Variants in WDR72 observed in about 807,000 individuals in gnomAD.
WDR72 encodes WD repeat-containing protein 72.
A neutral mutation model predicts 124.2 loss-of-function variants in WDR72; 120 were observed. The ratio of observed to expected loss-of-function variants is 0.97; its 90% CI spans 0.83 to 1.12. The LOEUF (loss-of-function observed/expected upper bound fraction) is 1.12, where lower values mean the gene tolerates loss of function less well. WDR72 is among the 50% of genes most tolerant of loss of function. WDR72 has a pLI of 0.00. For synonymous variants in WDR72, 452 were observed against 441.7 expected, an observed-to-expected ratio of 1.02 and a Z score of -0.29; for missense variants, 1,387 against 1,278.8, an observed-to-expected ratio of 1.08 and a Z score of -1.29.
At chr15:53,676,394 T>C (rs187196584) in intron 13 of WDR72, among the ~76,000 whole-genome samples, 1 of 152,224 alleles carries the variant, frequency 6.6e-6, no homozygotes, top group South Asian at 2.1e-4. Flanking sequence ...CAGGCCTAAT[T>C]TGATGAGCGC....
intron 18 of WDR72, among the ~76,000 whole-genome samples, chr15:53,572,965 T>C (rs1204225786): frequency 6.6e-6 from 1 of 152,166 alleles, no homozygotes; most frequent in African/African-American, 2.4e-5. Context: ...AGGGAAGCAG[T>C]AGAATGTTGC....
At chr15:53,563,813 A>G (rs189006688) in intron 18 of WDR72, among the ~76,000 whole-genome samples, 3 of 151,930 alleles carry the variant, frequency 2.0e-5, no homozygotes, top group Admixed American at 2.0e-4. Context: ...CAATCTTTCC[A>G]ATCACTTAGG....
chr15:53,680,806 T>C (rs1161675040), intron 13 of WDR72, among the ~76,000 whole-genome samples: 1 of 152,186 alleles, frequency 6.6e-6, no homozygotes, highest in Non-Finnish European at 1.5e-5. Context: ...AGGTCCTTTG[T>C]CTACTCAGCA....
chr15:53,664,119 G>A (rs2015699440), intron 14 of WDR72, among the ~76,000 whole-genome samples: 1 of 152,018 alleles, frequency 6.6e-6, no homozygotes, highest in Non-Finnish European at 1.5e-5. Context: ...TTTGACCAAG[G>A]GAGATGGTAC....
intron 13 of WDR72, among the ~76,000 whole-genome samples, chr15:53,677,110 C>A (rs368390033): frequency 1.3e-5 from 2 of 151,934 alleles, no homozygotes; most frequent in African/African-American, 4.8e-5. Flanking sequence ...TTAGTAGAGA[C>A]GGGGTTTCAC....
intron 13 of WDR72, among the ~76,000 whole-genome samples, chr15:53,670,965 A>G (rs1263767680): frequency 6.6e-6 from 1 of 152,180 alleles, no homozygotes; most frequent in Non-Finnish European, 1.5e-5. Context: ...AACCTCCTCA[A>G]TCAGCCTTTC....
chr15:53,758,906 C>T (rs142188693), intron 1 of WDR72, among the ~76,000 whole-genome samples: 3,923 of 152,046 alleles, frequency 0.026, 69 homozygotes, highest in Non-Finnish European at 0.033. Flanking sequence ...TAAGTCAGCA[C>T]CAGTTTCCAA....
intron 17 of WDR72, among the ~76,000 whole-genome samples, chr15:53,598,899 G>C (rs917462771): frequency 1.3e-5 from 2 of 152,056 alleles, no homozygotes; most frequent in Non-Finnish European, 1.5e-5. Context: ...CTGGTGAATA[G>C]TGCCTATTAA....
At chr15:53,743,555 G>A (rs769216906) in intron 1 of WDR72, among the ~76,000 whole-genome samples, 2 of 152,072 alleles carry the variant, frequency 1.3e-5, no homozygotes, top group African/African-American at 4.8e-5. Context: ...TTAGCCATTC[G>A]AAATATAGGA....
At chr15:53,711,035 C>T (rs766823320) in intron 8 of WDR72, 82 bp from the exon 9 acceptor site, 35 of 1,173,626 alleles carry the variant, frequency 3.0e-5, no homozygotes, top group South Asian at 2.4e-4. Context: ...TTTCAAAAGC[C>T]GGATGGTACC....
chr15:53,547,168 A>C (rs1349080803), intron 18 of WDR72, among the ~76,000 whole-genome samples: 1 of 152,244 alleles, frequency 6.6e-6, no homozygotes, highest in African/African-American at 2.4e-5. Flanking sequence ...ACAACTATTT[A>C]ACATTGAGTT....
intron 14 of WDR72, 34 bp downstream of exon 14, chr15:53,665,538 G>T: frequency 6.2e-7 from 1 of 1,611,620 alleles, no homozygotes; most frequent in South Asian, 1.1e-5. Flanking sequence ...GGTTGATAAT[G>T]TTCTTTGTGA....
intron 17 of WDR72, among the ~76,000 whole-genome samples, chr15:53,607,768 G>T (rs996407561): frequency 1.3e-5 from 2 of 151,912 alleles, no homozygotes; most frequent in Non-Finnish European, 2.9e-5. Flanking sequence ...TCTGACAAGG[G>T]ATTAATACCC....
At chr15:53,543,073 T>C (rs1335743317) in intron 18 of WDR72, among the ~76,000 whole-genome samples, 309 of 145,636 alleles carry the variant, frequency 2.1e-3, no homozygotes, top group African/African-American at 7.6e-3. Flanking sequence ...CTGTCAACAT[T>C]AGACAGATCA....
intron 1 of WDR72, among the ~76,000 whole-genome samples, chr15:53,739,546 TC>T (rs1225539432): frequency 6.6e-6 from 1 of 152,200 alleles, no homozygotes; most frequent in African/African-American, 2.4e-5. Flanking sequence ...CAAGGAAAAT[TC>T]ACCTTTGGGG....
At chr15:53,552,721 G>C (rs1893786511) in intron 18 of WDR72, among the ~76,000 whole-genome samples, 1 of 152,122 alleles carries the variant, frequency 6.6e-6, no homozygotes, top group South Asian at 2.1e-4. Flanking sequence ...TAGAAGAATA[G>C]AAGACTGCTT....
At chr15:53,576,587 C>T (rs866214795) in intron 18 of WDR72, among the ~76,000 whole-genome samples, 1 of 152,088 alleles carries the variant, frequency 6.6e-6, no homozygotes, top group Non-Finnish European at 1.5e-5. Flanking sequence ...CTTTCCTTCT[C>T]TCTTCTTCCC....
rs777913849 is a variant in WDR72 at position 53,516,696 on chromosome 15, T to C, written c.*1003A>G. 3.9e-5 allele frequency: 6 copies of C among 152,052 alleles called. No individual in the cohort carries two copies. Among genetic ancestry groups the C allele is most frequent in the Non-Finnish European group, 7.4e-5 (5 of 67,982 alleles). The allele number at this position is 152,052 out of a possible 1,614,324, so 9.4% of individuals were successfully genotyped here. On this transcript the variant is annotated 3_prime_UTR_variant, in exon 20 of 20. Transcript: ENST00000360509. ...ATAGATATAGCTATATATCACATAT[T>C]TAATACTTTATATCCTTTTTTCTAT...
Position 53,523,176 on chromosome 15 carries a change from A to C in WDR72, c.3253+42T>G, listed in dbSNP as rs772307835. On this transcript the variant is annotated intron_variant, in intron 19 of 19. Coordinates refer to ENST00000360509, the MANE Select transcript of WDR72 (RefSeq NM_182758.4). The stretch of plus-strand genomic sequence containing the variant: ...TTCCAAGGACCCCAAAGCTGTGTCA[A>C]ATTTATCATTTTATACTTGACTATT... 16 of 1,596,008 alleles carry C rather than the reference A, an allele frequency of 1.0e-5. No individual in the cohort carries two copies. In the East Asian group the frequency reaches 1.8e-4, roughly 18 times the overall value.
Sources: allele counts gnomAD v4.1 joint callset (sites outside exome capture counted in the v4.1 genomes callset), GRCh38; gene constraint gnomAD v4.1.1; transcripts MANE v1.5; gene names NCBI Gene and HGNC (gene_info 2026-07-23, HGNC 2026-07-21).